The following LSAMP variants were observed in gnomAD, a reference collection of about 807,000 sequenced individuals.
The protein encoded by LSAMP is limbic system associated membrane protein.
In LSAMP, 7 loss-of-function variants were observed where a neutral mutation model predicts 38.6. That is an observed-to-expected ratio of 0.18 (90% CI 0.10 to 0.34). The LOEUF (loss-of-function observed/expected upper bound fraction) is 0.34, where lower values mean the gene tolerates loss of function less well. Among genes scored for constraint, LSAMP ranks in the 10% least tolerant of loss-of-function variants. The pLI, the probability that LSAMP is intolerant of heterozygous loss-of-function variation, is 1.00. For missense variants in LSAMP, 313 were observed against 420.0 expected, an observed-to-expected ratio of 0.75 and a Z score of 2.23; for synonymous variants, 154 against 166.8, an observed-to-expected ratio of 0.92 and a Z score of 0.59.
intron 1 of LSAMP, among the ~76,000 whole-genome samples, chr3:116,136,713 A>G (rs1709255353): frequency 6.6e-6 from 1 of 151,992 alleles, no homozygotes; most frequent in African/African-American, 2.4e-5. Context: ...TCATGTGTGC[A>G]TGTGTCTTGC....
intron 1 of LSAMP, among the ~76,000 whole-genome samples, chr3:116,166,320 G>T (rs1250448770): frequency 6.6e-6 from 1 of 152,184 alleles, no homozygotes; most frequent in South Asian, 2.1e-4. Flanking sequence ...AAATTAAGGA[G>T]CCAGGTACTA....
intron 1 of LSAMP, among the ~76,000 whole-genome samples, chr3:116,105,595 G>A (rs958994127): frequency 1.1e-4 from 16 of 152,320 alleles, no homozygotes; most frequent in East Asian, 5.8e-4. Flanking sequence ...TCTGAGCCAG[G>A]AGAAGGAAAT....
At chr3:116,298,117 T>C (rs1559818516) in intron 1 of LSAMP, among the ~76,000 whole-genome samples, 1 of 152,202 alleles carries the variant, frequency 6.6e-6, no homozygotes, top group African/African-American at 2.4e-5. Flanking sequence ...TATCTATCTA[T>C]AAATCCATCT....
At chr3:116,327,146 G>T (rs2047784202) in intron 1 of LSAMP, among the ~76,000 whole-genome samples, 1 of 152,066 alleles carries the variant, frequency 6.6e-6, no homozygotes, top group African/African-American at 2.4e-5. Flanking sequence ...AGTGCTTCTG[G>T]CCTGAGATGT....
intron 3 of LSAMP, among the ~76,000 whole-genome samples, chr3:116,009,465 A>G (rs539188204): frequency 6.6e-6 from 1 of 152,284 alleles, no homozygotes; most frequent in East Asian, 1.9e-4. Context: ...GGCTTATAAT[A>G]TAACTCCCTG....
intron 1 of LSAMP, among the ~76,000 whole-genome samples, chr3:116,282,154 T>C (rs889035477): frequency 6.6e-6 from 1 of 152,152 alleles, no homozygotes; most frequent in Non-Finnish European, 1.5e-5. Flanking sequence ...AGGACTTCAT[T>C]GAAATAGTGA....
chr3:115,865,549 A>G (rs943198286), intron 3 of LSAMP, among the ~76,000 whole-genome samples: 2 of 152,200 alleles, frequency 1.3e-5, no homozygotes, highest in Admixed American at 1.3e-4. Context: ...AGCTTATCTC[A>G]AATTCTGATC....
chr3:116,162,126 G>A (rs778140127), intron 1 of LSAMP, among the ~76,000 whole-genome samples: 1 of 152,092 alleles, frequency 6.6e-6, no homozygotes, highest in Non-Finnish European at 1.5e-5. Flanking sequence ...TAGCATTTTG[G>A]CATATGAAAA....
rs111620671 is a variant in LSAMP, at chr3:116,202,534, A to G, written c.156-115978T>C. 4.4e-3 allele frequency among the ~76,000 whole-genome samples: 660 copies of G among 151,718 alleles called. 7 individuals carry two copies. Among genetic ancestry groups the G allele is most frequent in the African/African-American group, 0.015 (622 of 41,350 alleles). On this transcript the variant is annotated intron_variant, in intron 1 of 6. Transcript: ENST00000490035. ...ATCATAGCTCACTGCAGCCTCTACC[A>G]CCCAGGCTCGAATTATTGTTCCATC...
At chr3:115,950,644 A>G (rs924378918) in intron 3 of LSAMP, among the ~76,000 whole-genome samples, 2 of 152,068 alleles carry the variant, frequency 1.3e-5, no homozygotes, top group Non-Finnish European at 2.9e-5. Flanking sequence ...GGTAGAATCA[A>G]TATTGTGAAA....
chr3:116,227,770 G>A (rs1269182889), intron 1 of LSAMP, among the ~76,000 whole-genome samples: 1 of 151,992 alleles, frequency 6.6e-6, no homozygotes, highest in Non-Finnish European at 1.5e-5. Flanking sequence ...ATAAACAGAA[G>A]AATGGAAATA....
intron 2 of LSAMP, among the ~76,000 whole-genome samples, chr3:116,067,171 C>A (rs1057071707): frequency 6.6e-6 from 1 of 152,106 alleles, no homozygotes. Context: ...TAATGTCTTC[C>A]TTTCTATATT....
rs180691998 is a variant in LSAMP at position 116,138,576 on chromosome 3, T to G, written c.156-52020A>C. ...CAGAGATGCCATGGCAATACAACTT[T>G]TGCTTGGATTCTAGGAGCAGCATTC... On this transcript the variant is annotated intron_variant, in intron 1 of 6. Transcript: ENST00000490035. 2.0e-5 allele frequency among the ~76,000 whole-genome samples: 3 copies of G among 152,146 alleles called. No homozygotes were observed. The East Asian group carries it at 5.8e-4, about 29-fold the overall frequency.
intron 1 of LSAMP, among the ~76,000 whole-genome samples, chr3:116,148,767 G>A (rs1403417718): frequency 6.6e-6 from 1 of 151,862 alleles, no homozygotes; most frequent in Non-Finnish European, 1.5e-5. Flanking sequence ...AAACAGAGAG[G>A]GGCCTATTGC....
chr3:116,021,283 T>C (rs1425974216), intron 2 of LSAMP, among the ~76,000 whole-genome samples: 1 of 152,180 alleles, frequency 6.6e-6, no homozygotes, highest in Admixed American at 6.5e-5. Flanking sequence ...TACAGACTTT[T>C]GCAGTGAAAA....
intron 1 of LSAMP, among the ~76,000 whole-genome samples, chr3:116,391,198 CA>C (rs2048689822): frequency 6.6e-6 from 1 of 151,992 alleles, no homozygotes; most frequent in Non-Finnish European, 1.5e-5. Flanking sequence ...CTGATGTCAG[CA>C]GCGGACCGTC....
intron 3 of LSAMP, among the ~76,000 whole-genome samples, chr3:115,893,710 T>C (rs1559870230): frequency 6.6e-6 from 1 of 151,148 alleles, no homozygotes; most frequent in South Asian, 2.1e-4. Flanking sequence ...AAGTATTAGA[T>C]GTATATCAGG....
chr3:115,995,586 A>G (rs1576292175), intron 3 of LSAMP, among the ~76,000 whole-genome samples: 1 of 152,062 alleles, frequency 6.6e-6, no homozygotes, highest in East Asian at 1.9e-4. Flanking sequence ...TTCAGAAGAC[A>G]GTTTTAGGGT....
chr3:116,348,711 C>T (rs2048096519), intron 1 of LSAMP, among the ~76,000 whole-genome samples: 1 of 152,112 alleles, frequency 6.6e-6, no homozygotes, highest in Non-Finnish European at 1.5e-5. Flanking sequence ...GCATTCAAAA[C>T]ATCTTTTCTT....
Sources: allele counts gnomAD v4.1 joint callset (sites outside exome capture counted in the v4.1 genomes callset), GRCh38; gene constraint gnomAD v4.1.1; transcripts MANE v1.5; gene names NCBI Gene and HGNC (gene_info 2026-07-23, HGNC 2026-07-21).